COLGALT1: variants seen among roughly 807,000 people sequenced by gnomAD.
The protein encoded by COLGALT1 is procollagen galactosyltransferase 1.
COLGALT1 carries 43 observed loss-of-function variants against 60.8 expected under a neutral mutation model. That is an observed-to-expected ratio of 0.71 (90% CI 0.55 to 0.91). The LOEUF (loss-of-function observed/expected upper bound fraction) is 0.91, where lower values mean the gene tolerates loss of function less well. Ranked by LOEUF, COLGALT1 falls within the 40% of genes least tolerant of loss-of-function variation. The pLI is 0.00. For missense variants in COLGALT1, 845 were observed against 880.0 expected (o/e 0.96, Z 0.50); for synonymous variants, 369 against 374.2 (o/e 0.99, Z 0.16).
intron 5 of COLGALT1, among the ~76,000 whole-genome samples, chr19:17,570,845 A>G (rs562551694): frequency 1.3e-3 from 205 of 152,286 alleles, no homozygotes; most frequent in Non-Finnish European, 2.2e-3. Flanking sequence ...GATTACGGGC[A>G]TGAGCCACCA....
rs1432029679 is a variant in COLGALT1, at chr19:17,582,706, TCG to T, written c.*1263_*1264del. On this transcript the variant is annotated 3_prime_UTR_variant, in exon 12 of 12. Coordinates refer to ENST00000252599, the MANE Select transcript of COLGALT1 (RefSeq NM_024656.4). ...AGTTTGATTCTTCCTGTACCCTCGGTCGTCTGAGCTGTGTGCAGACAACATCC... is the reference window on the plus strand; with the variant it reads ...AGTTTGATTCTTCCTGTACCCTCGGTTCTGAGCTGTGTGCAGACAACATCC... The T allele has an allele frequency of 6.6e-6, 1 of 152,242 alleles. No homozygotes were observed. Among genetic ancestry groups the T allele is most frequent in the Non-Finnish European group, 1.5e-5 (1 of 68,052 alleles). 9.4% of individuals were successfully genotyped at this position (152,242 alleles called of 1,614,324 possible).
chr19:17,558,875 A>C (rs2076230561), intron 1 of COLGALT1, among the ~76,000 whole-genome samples: 1 of 151,712 alleles, frequency 6.6e-6, no homozygotes, highest in African/African-American at 2.4e-5. Flanking sequence ...AAAGGGAGAA[A>C]TGGGCCGGGC....
chr19:17,569,725 C>G (rs2076300775), intron 5 of COLGALT1, among the ~76,000 whole-genome samples: 1 of 152,018 alleles, frequency 6.6e-6, no homozygotes, highest in East Asian at 1.9e-4. Context: ...GAGGGAGCCA[C>G]TGCACCTGGG....
chr19:17,577,230 TCGG>T lies in COLGALT1; in HGVS notation c.987_989del (p.Ala330del). 6.3e-7 allele frequency: 1 copy of T among 1,585,354 alleles called. No homozygotes were observed. The highest frequency in any genetic ancestry group is 8.6e-7 in the Non-Finnish European group (1 of 1,168,122). ...GCCCGCAGAGCCCTCCCGCTTCATC[TCGG>T]CTCCCACCAAGACACCGGACAAGAT... On this transcript the variant is annotated inframe_deletion, in exon 7 of 12. Transcript: ENST00000252599.
intron 9 of COLGALT1, 31 bp downstream of exon 9, chr19:17,578,120 T>C: frequency 6.4e-7 from 1 of 1,571,712 alleles, no homozygotes; most frequent in Non-Finnish European, 8.6e-7. Context: ...GGGGCCAGAG[T>C]TATGACTCTA....
chr19:17,568,673 TGAC>T lies in COLGALT1; in HGVS notation c.793_795del (p.Asp265del). ...CTCACCCTGACTACACCTGGTCCTT[TGAC>T]GACATCATCGTCTTTGCCTTCTCCT... On this transcript the variant is annotated inframe_deletion, in exon 5 of 12. Transcript: ENST00000252599. The T allele has an allele frequency of 6.2e-7, 1 of 1,614,216 alleles. No homozygotes were observed. Among genetic ancestry groups the T allele is most frequent in the East Asian group, 2.2e-5 (1 of 44,884 alleles).
At chr19:17,558,218 C>T (rs1318068627) in intron 1 of COLGALT1, among the ~76,000 whole-genome samples, 4 of 151,210 alleles carry the variant, frequency 2.6e-5, no homozygotes, top group Non-Finnish European at 5.9e-5. Context: ...GAATTACAAG[C>T]GTGAGCCACC....
Position 17,577,435 on chromosome 19 carries a change from C to T in COLGALT1, c.1101C>T (p.Ile367=). Residue 367 remains isoleucine (I), a synonymous_variant, in exon 8 of 12, where the codon ATC becomes ATT. Coordinates refer to ENST00000252599, the MANE Select transcript of COLGALT1 (RefSeq NM_024656.4). ...RMLRALQAQE[I]ECRLVEAVDG... ...TGCGGGCGCTGCAGGCACAGGAGATCGAGTGCCGGCTGGTGGAGGCCGTGG... is the reference window on the plus strand; with the variant it reads ...TGCGGGCGCTGCAGGCACAGGAGATTGAGTGCCGGCTGGTGGAGGCCGTGG... 1 of 1,186,758 alleles carries T rather than the reference C, an allele frequency of 8.4e-7. No individual in the cohort carries two copies. Among genetic ancestry groups the T allele is most frequent in the Non-Finnish European group, 1.1e-6 (1 of 942,908 alleles). 73.5% of individuals were successfully genotyped at this position (1,186,758 alleles called of 1,614,324 possible).
rs748644675 is a variant in COLGALT1, at chr19:17,572,542, G to A, written c.889G>A (p.Ala297Thr). 9.9e-6 allele frequency: 16 copies of A among 1,614,152 alleles called. No homozygotes were observed. Among genetic ancestry groups the A allele is most frequent in the East Asian group, 8.9e-5 (4 of 44,874 alleles). The change falls in exon 6 of 12, where the codon GCC (alanine) becomes ACC (threonine). Residue 297 changes from alanine to threonine, a missense_variant. Transcript: ENST00000252599. Reference sequence around the variant, plus strand: ...CGGATTCTTGCCAGTGCCATTGCGCGCCCACAGCACCCTCCAGGATGAGGC... The same window carrying A: ...CGGATTCTTGCCAGTGCCATTGCGCACCCACAGCACCCTCCAGGATGAGGC... The part of the protein sequence containing the change: ...EYGFLPVPLR[A>T]HSTLQDEAES...
chr19:17,566,804 T>C (rs1180484051), intron 3 of COLGALT1, among the ~76,000 whole-genome samples: 1 of 151,406 alleles, frequency 6.6e-6, no homozygotes, highest in Non-Finnish European at 1.5e-5. Context: ...CTTTAAAAAA[T>C]AAAAAATGAA....
At chr19:17,556,564 G>T in intron 1 of COLGALT1, 1 of 984,616 alleles carries the variant, frequency 1.0e-6, no homozygotes, top group Non-Finnish European at 1.2e-6. Flanking sequence ...ATGGGGCAGA[G>T]CTCTGAAGAA....
In COLGALT1 at chr19:17,563,786, G is replaced by C. The variant is rs562158211; in HGVS notation, c.489+3321G>C. 1.6e-4 allele frequency among the ~76,000 whole-genome samples: 25 copies of C among 152,164 alleles called. No homozygotes were observed. The South Asian group carries it at 4.4e-3, about 27-fold the overall frequency. ...TGGGATTACCGGTGTGAGCCACTGC[G>C]CCTGGTCACAAAATTATATTTTTGT... On this transcript the variant is annotated intron_variant, in intron 3 of 11. Coordinates refer to ENST00000252599, the MANE Select transcript of COLGALT1 (RefSeq NM_024656.4).
At chr19:17,574,013 C>T (rs914110686) in intron 6 of COLGALT1, among the ~76,000 whole-genome samples, 5 of 152,046 alleles carry the variant, frequency 3.3e-5, no homozygotes, top group African/African-American at 1.2e-4. Context: ...TTAAAAAAAT[C>T]CATGAACTAT....
intron 3 of COLGALT1, among the ~76,000 whole-genome samples, chr19:17,566,869 T>C (rs2144826394): frequency 6.6e-6 from 1 of 152,260 alleles, no homozygotes; most frequent in East Asian, 1.9e-4. Context: ...ATCCCAGCAC[T>C]TTGAGAGGCC....
chr19:17,558,159 A>T (rs1374951341), intron 1 of COLGALT1, among the ~76,000 whole-genome samples: 1 of 149,900 alleles, frequency 6.7e-6, no homozygotes, highest in African/African-American at 2.4e-5. Flanking sequence ...GGCTAGGCTC[A>T]AACTCCTGGC....
rs914007464 is a variant in COLGALT1, at chr19:17,558,370, T to C, written c.261-941T>C. On this transcript the variant is annotated intron_variant, in intron 1 of 11. Transcript: ENST00000252599. The stretch of plus-strand genomic sequence containing the variant: ...GATGACAGGCGTGAGCCACCGTGCC[T>C]GGCCTGATCTATACATTACAAAAAT... Among the ~76,000 whole-genome samples, 4 of 149,028 alleles carry C rather than the reference T, an allele frequency of 2.7e-5. No individual in the cohort carries two copies. In the East Asian group the frequency reaches 8.4e-4, roughly 31 times the overall value.
chr19:17,581,377 G>A lies in COLGALT1; in HGVS notation c.1802G>A (p.Ser601Asn). 2 of 1,613,076 alleles carry A rather than the reference G, an allele frequency of 1.2e-6. No individual in the cohort carries two copies. The highest frequency in any genetic ancestry group is 4.5e-5 in the East Asian group (2 of 44,880). Residue 601 changes from serine (S) to asparagine (N), a missense_variant, in exon 12 of 12, where the codon AGC becomes AAC. Transcript: ENST00000252599. Reference sequence around the variant, plus strand: ...AAGATGCGGGAGCAGCAGGCACTGAGCCGTGAGGCCAAGAACTCGGACGTG... The same window carrying A: ...AAGATGCGGGAGCAGCAGGCACTGAACCGTGAGGCCAAGAACTCGGACGTG... The part of the protein sequence containing the change: ...SQKMREQQAL[S>N]REAKNSDVLQ...
At chr19:17,576,804 G>C (rs1329594323) in intron 6 of COLGALT1, among the ~76,000 whole-genome samples, 3 of 149,930 alleles carry the variant, frequency 2.0e-5, no homozygotes, top group East Asian at 3.9e-4. Flanking sequence ...GCGGCTGGGG[G>C]GCAGGTTGAA....
chr19:17,579,911 G>A (rs2076368857), intron 10 of COLGALT1: 1 of 380,252 alleles, frequency 2.6e-6, no homozygotes, highest in African/African-American at 2.0e-5. Flanking sequence ...GTAGCAGGAG[G>A]GCTCACGTGG....
Sources: allele counts gnomAD v4.1 joint callset (sites outside exome capture counted in the v4.1 genomes callset), GRCh38; gene constraint gnomAD v4.1.1; transcripts MANE v1.5; gene names NCBI Gene and HGNC (gene_info 2026-07-23, HGNC 2026-07-21).